The following PDE7B variants were observed in gnomAD, a reference collection of about 807,000 sequenced individuals.
The protein encoded by PDE7B is 3',5'-cyclic-AMP phosphodiesterase 7B.
In PDE7B, 29 loss-of-function variants were observed where a neutral mutation model predicts 56.2. The observed-to-expected ratio is 0.52, with a 90% confidence interval of 0.38 to 0.70. The LOEUF is 0.70. PDE7B is among the 30% of genes least tolerant of loss of function. The pLI, the probability that PDE7B is intolerant of heterozygous loss-of-function variation, is 0.00. For missense variants in PDE7B, 490 were observed against 565.0 expected (o/e 0.87, Z 1.35); for synonymous variants, 197 against 196.9 (o/e 1.00, Z 0.00).
intron 3 of PDE7B, among the ~76,000 whole-genome samples, chr6:136,143,880 T>G (rs1303813032): frequency 6.6e-6 from 1 of 152,096 alleles, no homozygotes; most frequent in Non-Finnish European, 1.5e-5. Flanking sequence ...ATCCATCATT[T>G]CAATTTGCTA....
intron 3 of PDE7B, among the ~76,000 whole-genome samples, chr6:136,145,900 T>C (rs1246821392): frequency 6.6e-6 from 1 of 152,180 alleles, no homozygotes; most frequent in African/African-American, 2.4e-5. Flanking sequence ...TCAAGCCCAG[T>C]CTTCTCCCTC....
chr6:135,952,034 G>C lies in PDE7B; in HGVS notation c.82+4510G>C, dbSNP rs556887629. Among the ~76,000 whole-genome samples the C allele has an allele frequency of 3.3e-5, 5 of 152,236 alleles. No homozygotes were observed. The East Asian group carries it at 9.7e-4, about 29-fold the overall frequency. ...AATTAACTGTGTACTCACAGAAGTT[G>C]CTTCATCTCTCTAGGATTCAATTCA... On this transcript the variant is annotated intron_variant, in intron 2 of 12. Transcript: ENST00000308191.
chr6:135,902,038 T>C (rs981631138), intron 1 of PDE7B, among the ~76,000 whole-genome samples: 1 of 152,158 alleles, frequency 6.6e-6, no homozygotes, highest in African/African-American at 2.4e-5. Flanking sequence ...ACGATTCTCT[T>C]TTCAAATAGA....
intron 1 of PDE7B, among the ~76,000 whole-genome samples, chr6:135,859,283 T>C (rs573331733): frequency 5.9e-5 from 9 of 152,264 alleles, no homozygotes; most frequent in South Asian, 4.1e-4. Context: ...TGTGTTTCCA[T>C]GTTCTTAAGA....
rs1583703104 is a variant in PDE7B at position 135,851,915 on chromosome 6, C to G, written c.-84C>G. On this transcript the variant is annotated 5_prime_UTR_variant, in exon 1 of 13. Transcript: ENST00000308191. Reference sequence around the variant, plus strand: ...TAATCCTGGATGAAGTTGCTGGATTCTGCAGCACAAGTCTTCATGAACAAG... The same window carrying G: ...TAATCCTGGATGAAGTTGCTGGATTGTGCAGCACAAGTCTTCATGAACAAG... 2.3e-6 allele frequency: 2 copies of G among 858,300 alleles called. No homozygotes were observed. The highest frequency in any genetic ancestry group is 3.8e-6 in the Non-Finnish European group (2 of 520,322). The allele number at this position is 858,300 out of a possible 1,614,324, so 53.2% of individuals were successfully genotyped here.
chr6:136,121,593 A>C (rs1297498661), intron 3 of PDE7B, among the ~76,000 whole-genome samples: 1 of 152,206 alleles, frequency 6.6e-6, no homozygotes, highest in Non-Finnish European at 1.5e-5. Flanking sequence ...CATAAGTGCT[A>C]AAAGAAATAA....
At chr6:136,186,684 T>TG (rs1276562724) in intron 11 of PDE7B, among the ~76,000 whole-genome samples, 1 of 152,228 alleles carries the variant, frequency 6.6e-6, no homozygotes, top group Non-Finnish European at 1.5e-5. Context: ...GGACAAAACC[T>TG]GTTTTCTTAA....
chr6:136,014,219 A>T (rs942367106), intron 2 of PDE7B, among the ~76,000 whole-genome samples: 6 of 152,270 alleles, frequency 3.9e-5, no homozygotes, highest in Non-Finnish European at 8.8e-5. Flanking sequence ...TATAGAGGAA[A>T]GCTATATCAA....
At chr6:136,123,010 C>A (rs1451058361) in intron 3 of PDE7B, among the ~76,000 whole-genome samples, 1 of 152,188 alleles carries the variant, frequency 6.6e-6, no homozygotes, top group Non-Finnish European at 1.5e-5. Flanking sequence ...GTGTCAGGCG[C>A]TCTTCTAATT....
chr6:136,078,975 G>A (rs965458946), intron 2 of PDE7B, among the ~76,000 whole-genome samples: 18 of 152,154 alleles, frequency 1.2e-4, no homozygotes, highest in African/African-American at 4.1e-4. Context: ...ATTTTATAAT[G>A]GGATTATAAA....
chr6:135,963,082 G>A (rs775778353), intron 2 of PDE7B, among the ~76,000 whole-genome samples: 13 of 152,248 alleles, frequency 8.5e-5, no homozygotes, highest in South Asian at 2.1e-4. Flanking sequence ...AAACACTGTG[G>A]AACTTTCTGA....
At chr6:136,024,668 G>A (rs144739168) in intron 2 of PDE7B, among the ~76,000 whole-genome samples, 51 of 152,224 alleles carry the variant, frequency 3.4e-4, no homozygotes, top group African/African-American at 1.1e-3. Flanking sequence ...AGAGATGCTT[G>A]TCATGTATGC....
chr6:136,148,367 A>G (rs1778451451), intron 4 of PDE7B, among the ~76,000 whole-genome samples: 1 of 147,832 alleles, frequency 6.8e-6, no homozygotes, highest in Non-Finnish European at 1.5e-5. Context: ...AAAAGAAAGA[A>G]GGAAAGAAAA....
intron 1 of PDE7B, among the ~76,000 whole-genome samples, chr6:135,886,645 T>G (rs1775714739): frequency 6.6e-6 from 1 of 152,166 alleles, no homozygotes; most frequent in South Asian, 2.1e-4. Flanking sequence ...CCTGAGCTAC[T>G]TCACTTAGAA....
intron 2 of PDE7B, among the ~76,000 whole-genome samples, chr6:136,091,422 G>A (rs971332509): frequency 5.3e-5 from 8 of 152,116 alleles, no homozygotes; most frequent in African/African-American, 1.9e-4. Context: ...GTTAAAGGTG[G>A]GCAAAAGCTT....
At chr6:136,004,513 T>C (rs1016027526) in intron 2 of PDE7B, among the ~76,000 whole-genome samples, 9 of 152,098 alleles carry the variant, frequency 5.9e-5, no homozygotes, top group Admixed American at 4.6e-4. Flanking sequence ...AGTCTCAGGA[T>C]ACAAAATCAA....
intron 2 of PDE7B, among the ~76,000 whole-genome samples, chr6:136,001,127 G>A (rs2128206098): frequency 6.6e-6 from 1 of 152,220 alleles, no homozygotes; most frequent in Non-Finnish European, 1.5e-5. Flanking sequence ...CAACAGACCT[G>A]CAGCTGAGGG....
intron 1 of PDE7B, among the ~76,000 whole-genome samples, chr6:135,861,448 T>A (rs369167741): frequency 1.3e-5 from 2 of 151,204 alleles, no homozygotes; most frequent in Non-Finnish European, 3.0e-5. Context: ...ATATTGGCCA[T>A]GTAAATATCT....
intron 1 of PDE7B, among the ~76,000 whole-genome samples, chr6:135,907,306 A>G (rs1776133326): frequency 6.6e-6 from 1 of 152,122 alleles, no homozygotes. Context: ...CTCTTCTAGC[A>G]GCCCTAAACT....
Sources: gnomAD v4.1 joint callset for allele counts (sites outside exome capture counted in the v4.1 genomes callset) on GRCh38, gnomAD v4.1.1 for gene constraint, MANE v1.5 for transcripts, NCBI Gene and HGNC (gene_info 2026-07-23, HGNC 2026-07-21) for gene names.